DCTN6: variants seen among roughly 807,000 people sequenced by gnomAD.
DCTN6 encodes the protein dynactin 6.
A neutral mutation model predicts 25.8 loss-of-function variants in DCTN6; 15 were observed. The observed-to-expected ratio is 0.58, with a 90% CI of 0.39 to 0.89. The LOEUF (loss-of-function observed/expected upper bound fraction) is 0.89. Ranked by LOEUF, DCTN6 falls within the 40% of genes least tolerant of loss-of-function variation. DCTN6 has a pLI of 0.00. For missense variants in DCTN6, 198 were observed against 237.6 expected (o/e 0.83, Z 1.09); for synonymous variants, 64 against 78.3 (o/e 0.82, Z 0.96).
At position 30,175,124 on chromosome 8, in the gene DCTN6, C is replaced by T. The variant is rs757080720; in HGVS notation, c.128C>T (p.Ala43Val). ...TVIHPKARII[A>V]EAGPIVIGEG... ...ATCCACCCTAAAGCAAGAATTATTG[C>T]GGAAGCCGGGCCAATAGTGATTGGC... Residue 43 changes from alanine to valine, a missense_variant, in exon 3 of 7, where the codon GCG becomes GTG. Coordinates refer to ENST00000221114, the MANE Select transcript of DCTN6 (RefSeq NM_006571.4). 8.1e-6 allele frequency: 13 copies of T among 1,613,992 alleles called. No homozygotes were observed. The highest frequency in any genetic ancestry group is 2.2e-5 in the East Asian group (1 of 44,872).
At chr8:30,168,786 T>C (rs1279533072) in intron 2 of DCTN6, among the ~76,000 whole-genome samples, 1 of 152,224 alleles carries the variant, frequency 6.6e-6, no homozygotes, top group African/African-American at 2.4e-5. Context: ...CTTGAAGCTC[T>C]GCTGGAGCCT....
intron 2 of DCTN6, among the ~76,000 whole-genome samples, chr8:30,165,148 G>A (rs745965085): frequency 6.6e-6 from 1 of 152,180 alleles, no homozygotes; most frequent in Non-Finnish European, 1.5e-5. Context: ...TGAGTAGTAA[G>A]CTGTCAATAA....
intron 6 of DCTN6, 56 bp downstream of exon 6, chr8:30,180,686 T>C (rs1178164429): frequency 6.3e-6 from 10 of 1,585,522 alleles, no homozygotes; most frequent in Admixed American, 1.8e-5. Flanking sequence ...CAAAATACAA[T>C]GTAATTGTCT....
rs570784220 is a variant in DCTN6, at chr8:30,159,782, G to A, written c.23+3376G>A. On this transcript the variant is annotated intron_variant, in intron 1 of 6. Coordinates refer to ENST00000221114, the MANE Select transcript of DCTN6 (RefSeq NM_006571.4). The stretch of plus-strand genomic sequence containing the variant: ...AGTTTTCTTTTTTTTTTTTTTTTGA[G>A]ACAGGGTTTCACTCCATCACCCAGG... Among the ~76,000 whole-genome samples the A allele has an allele frequency of 2.4e-3, 337 of 139,854 alleles. 2 individuals are homozygous for A. Among genetic ancestry groups the A allele is most frequent in the Non-Finnish European group, 3.9e-3 (255 of 65,336 alleles). The allele number at this position is 139,854 out of a possible 152,430, so 91.7% of individuals were successfully genotyped here. A position where few individuals can be genotyped will look rare whatever the true frequency, so the allele number is the denominator to read the frequency against.
At chr8:30,165,011 A>G (rs1321230299) in intron 2 of DCTN6, among the ~76,000 whole-genome samples, 1 of 152,242 alleles carries the variant, frequency 6.6e-6, no homozygotes, top group Non-Finnish European at 1.5e-5. Flanking sequence ...GCAGCCGCTA[A>G]TGAGATCAGG....
At chr8:30,175,898 C>G (rs1803826376) in intron 3 of DCTN6, among the ~76,000 whole-genome samples, 3 of 152,122 alleles carry the variant, frequency 2.0e-5, no homozygotes, top group Non-Finnish European at 4.4e-5. Flanking sequence ...TGATTTAATG[C>G]TTACTTAGGA....
At chr8:30,160,461 T>G (rs1246541912) in intron 1 of DCTN6, among the ~76,000 whole-genome samples, 3 of 152,186 alleles carry the variant, frequency 2.0e-5, no homozygotes, top group Non-Finnish European at 4.4e-5. Context: ...ACCTCTTTCC[T>G]TTATAAATTA....
Position 30,180,640 on chromosome 8 carries a change from C to A in DCTN6, c.474+10C>A. On this transcript the variant is annotated intron_variant, in intron 6 of 6. Transcript: ENST00000221114. ...GACTGAGCGACCGCAGGTACTAGAA[C>A]CTCTCTTTAAAAAGAGTTCTATCTG... The A allele has an allele frequency of 6.2e-7, 1 of 1,612,750 alleles. No homozygotes were observed. Among genetic ancestry groups the A allele is most frequent in the Non-Finnish European group, 8.5e-7 (1 of 1,179,600 alleles).
chr8:30,163,754 G>A (rs1181248877), intron 1 of DCTN6, among the ~76,000 whole-genome samples: 2 of 146,734 alleles, frequency 1.4e-5, no homozygotes, highest in African/African-American at 5.1e-5. Flanking sequence ...CCATGCTTGA[G>A]TGCAATGGCG....
chr8:30,180,781 T>C, intron 6 of DCTN6, 151 bp downstream of exon 6: 1 of 1,020,510 alleles, frequency 9.8e-7, no homozygotes, highest in African/African-American at 1.6e-5. Context: ...CCTGGAATTC[T>C]AGCACTTTGG....
intron 4 of DCTN6, 128 bp from the exon 5 acceptor site, chr8:30,179,280 G>A (rs1206900760): frequency 1.7e-6 from 1 of 578,676 alleles, no homozygotes; most frequent in Non-Finnish European, 2.9e-6. Flanking sequence ...AAGAGTTCTG[G>A]CAAGGGTGAG....
In DCTN6 at chr8:30,175,210, T is replaced by G; in HGVS notation, c.194+20T>G. The G allele has an allele frequency of 6.3e-7, 1 of 1,599,136 alleles. No homozygotes were observed. Among genetic ancestry groups the G allele is most frequent in the Non-Finnish European group, 8.6e-7 (1 of 1,167,726 alleles). On this transcript the variant is annotated intron_variant, in intron 3 of 6. Coordinates refer to ENST00000221114, the MANE Select transcript of DCTN6 (RefSeq NM_006571.4). ...AAATGCGTAAGACTCTTATACATAC[T>G]GTGAACCAAGTACCATGGGTAACGG...
intron 1 of DCTN6, among the ~76,000 whole-genome samples, chr8:30,161,048 T>A (rs908788150): frequency 6.6e-6 from 1 of 152,182 alleles, no homozygotes; most frequent in African/African-American, 2.4e-5. Context: ...CATCTTGAAT[T>A]ATAATGCCCA....
At chr8:30,177,920 G>C (rs1374548184) in intron 4 of DCTN6, among the ~76,000 whole-genome samples, 1 of 152,122 alleles carries the variant, frequency 6.6e-6, no homozygotes, top group Non-Finnish European at 1.5e-5. Context: ...TCTTTTGCTG[G>C]TACTACAGCT....
At chr8:30,174,533 G>A (rs1203234255) in intron 2 of DCTN6, among the ~76,000 whole-genome samples, 1 of 151,812 alleles carries the variant, frequency 6.6e-6, no homozygotes, top group East Asian at 1.9e-4. Flanking sequence ...ATGGGGTTTC[G>A]CCATGTTGGT....
At chr8:30,164,043 T>G in intron 1 of DCTN6, 68 bp from the exon 2 acceptor site, 1 of 1,343,706 alleles carries the variant, frequency 7.4e-7, no homozygotes, top group East Asian at 2.3e-5. Flanking sequence ...CATTACAATG[T>G]CACGGTAGCT....
At chr8:30,171,978 G>A (rs1358546832) in intron 2 of DCTN6, among the ~76,000 whole-genome samples, 2 of 152,150 alleles carry the variant, frequency 1.3e-5, no homozygotes, top group African/African-American at 2.4e-5. Context: ...AGACAAGGGG[G>A]GTGGGGCTGG....
chr8:30,174,559 C>A (rs1177312731), intron 2 of DCTN6, among the ~76,000 whole-genome samples: 1 of 152,124 alleles, frequency 6.6e-6, no homozygotes, highest in East Asian at 1.9e-4. Context: ...TGGTCTCGAT[C>A]TCCTGACCTT....
At position 30,180,471 on chromosome 8, in the gene DCTN6, C is replaced by A. The variant is rs759467089; in HGVS notation, c.332-17C>A. 55 of 1,604,670 alleles carry A rather than the reference C, an allele frequency of 3.4e-5. No homozygotes were observed. The highest frequency in any genetic ancestry group is 4.6e-5 in the Non-Finnish European group (54 of 1,174,190). Reference sequence around the variant, plus strand: ...TTGATGTCTTAAGTTGCAGTTCTTTCTGTGTTTTTATTGCAGCATATGTAG... The same window carrying A: ...TTGATGTCTTAAGTTGCAGTTCTTTATGTGTTTTTATTGCAGCATATGTAG... On this transcript the variant is annotated splice_polypyrimidine_tract_variant and intron_variant, in intron 5 of 6. Coordinates refer to ENST00000221114, the MANE Select transcript of DCTN6 (RefSeq NM_006571.4).
Sources: allele counts gnomAD v4.1 joint callset (sites outside exome capture counted in the v4.1 genomes callset), GRCh38; gene constraint gnomAD v4.1.1; transcripts MANE v1.5; gene names NCBI Gene and HGNC (gene_info 2026-07-23, HGNC 2026-07-21).